Variants in NUSAP1 observed in about 807,000 individuals in gnomAD.
The protein encoded by NUSAP1 is nucleolar and spindle-associated protein 1.
A neutral mutation model predicts 52.8 loss-of-function variants in NUSAP1; 32 were observed. The ratio of observed to expected loss-of-function variants is 0.61; its 90% confidence interval spans 0.46 to 0.81. NUSAP1 has a LOEUF of 0.81. Among genes scored for constraint, NUSAP1 ranks in the 40% least tolerant of loss-of-function variants. The probability of loss-of-function intolerance (pLI) is 0.00; values close to 1 mark genes in which losing one functional copy is unlikely to be tolerated. For missense variants in NUSAP1, 499 were observed against 522.3 expected, an observed-to-expected ratio of 0.96 and a Z score of 0.43; for synonymous variants, 195 against 183.1, an observed-to-expected ratio of 1.06 and a Z score of -0.52.
intron 6 of NUSAP1, among the ~76,000 whole-genome samples, chr15:41,361,744 A>T (rs2140735159): frequency 6.6e-6 from 1 of 152,298 alleles, no homozygotes; most frequent in East Asian, 1.9e-4. Context: ...AGCCTGGTAG[A>T]CCCATCTGAA....
intron 9 of NUSAP1, among the ~76,000 whole-genome samples, chr15:41,376,271 C>T (rs923207407): frequency 7.9e-5 from 12 of 151,356 alleles, no homozygotes; most frequent in African/African-American, 1.2e-4. Context: ...GTGGTGGCGG[C>T]GCCTGTAATC....
In NUSAP1 at chr15:41,371,509, C is replaced by T. The variant is rs753306925; in HGVS notation, c.849-18C>T. ...CTTGCCACAGTACTCATGTCTTGTACTCTGCTGTCCTATTTAGGTTTTCAG... is the reference window on the plus strand; with the variant it reads ...CTTGCCACAGTACTCATGTCTTGTATTCTGCTGTCCTATTTAGGTTTTCAG... On this transcript the variant is annotated intron_variant, in intron 7 of 10. Transcript: ENST00000559596. 3 of 1,575,838 alleles carry T rather than the reference C, an allele frequency of 1.9e-6. No homozygotes were observed. The highest frequency in any genetic ancestry group is 2.3e-5 in the East Asian group (1 of 44,372).
At chr15:41,343,638 G>A (rs2048446265) in intron 2 of NUSAP1, among the ~76,000 whole-genome samples, 1 of 151,956 alleles carries the variant, frequency 6.6e-6, no homozygotes, top group Non-Finnish European at 1.5e-5. Flanking sequence ...ACAGGGGTGA[G>A]CCACCATGCC....
At position 41,375,692 on chromosome 15, in the gene NUSAP1, T is replaced by A. The variant is rs769459751; in HGVS notation, c.1007-20T>A. The A allele has an allele frequency of 6.7e-7, 1 of 1,490,354 alleles. No individual in the cohort carries two copies. Among genetic ancestry groups the A allele is most frequent in the Non-Finnish European group, 9.4e-7 (1 of 1,068,234 alleles). The allele number at this position is 1,490,354 out of a possible 1,614,324, so 92.3% of individuals were successfully genotyped here. A position where few individuals can be genotyped will look rare whatever the true frequency, so the allele number is the denominator to read the frequency against. On this transcript the variant is annotated intron_variant, in intron 8 of 10. Transcript: ENST00000559596. The stretch of plus-strand genomic sequence containing the variant: ...CTTTGTTTCTAATTAAGCTCTTGGG[T>A]TTTTTCGGTGTGTTTTTAGTTATTA...
At chr15:41,351,269 A>T (rs1388112059) in intron 4 of NUSAP1, 140 bp downstream of exon 4, 10 of 814,834 alleles carry the variant, frequency 1.2e-5, no homozygotes, top group East Asian at 8.4e-5. Flanking sequence ...TTACTCTTTC[A>T]TAGTTCTAGA....
intron 9 of NUSAP1, among the ~76,000 whole-genome samples, chr15:41,376,542 T>G (rs1232252475): frequency 6.8e-6 from 1 of 148,044 alleles, no homozygotes; most frequent in African/African-American, 2.5e-5. Context: ...AAAAACAAAA[T>G]TAGCTGGGCA....
chr15:41,338,704 C>T (rs1367828800), intron 1 of NUSAP1, among the ~76,000 whole-genome samples: 1 of 152,108 alleles, frequency 6.6e-6, no homozygotes, highest in Non-Finnish European at 1.5e-5. Flanking sequence ...ACCTGTAATC[C>T]CAGCACTTTG....
rs563954842 is a variant in NUSAP1 at position 41,348,879 on chromosome 15, CGCCTCG to C, written c.163-217_163-212del. Among the ~76,000 whole-genome samples, 819 of 151,424 alleles carry C rather than the reference CGCCTCG, an allele frequency of 5.4e-3. 5 individuals are homozygous for C. Among genetic ancestry groups the C allele is most frequent in the Non-Finnish European group, 8.8e-3 (598 of 67,782 alleles). ...TCTCGCTAACCTCAGGTGATCCACTCGCCTCGGTCTCCCAAAGTGCTGGGATTACAG... is the reference window on the plus strand; with the variant it reads ...TCTCGCTAACCTCAGGTGATCCACTCGTCTCCCAAAGTGCTGGGATTACAG... On this transcript the variant is annotated intron_variant, in intron 2 of 10. Coordinates refer to ENST00000559596, the MANE Select transcript of NUSAP1 (RefSeq NM_016359.5).
At chr15:41,339,932 C>T (rs2048315775) in intron 1 of NUSAP1, among the ~76,000 whole-genome samples, 2 of 152,140 alleles carry the variant, frequency 1.3e-5, no homozygotes, top group South Asian at 4.1e-4. Context: ...CAGGTGCCCA[C>T]CACCACGCCC....
chr15:41,356,828 T>G (rs558519102), intron 5 of NUSAP1, among the ~76,000 whole-genome samples: 25 of 152,318 alleles, frequency 1.6e-4, no homozygotes, highest in African/African-American at 6.0e-4. Flanking sequence ...TAAGTCTAAA[T>G]GATTCCGTTT....
chr15:41,338,329 A>G (rs534836496), intron 1 of NUSAP1, among the ~76,000 whole-genome samples: 6 of 152,200 alleles, frequency 3.9e-5, no homozygotes, highest in Middle Eastern at 3.4e-3. Context: ...TGACTCGTGT[A>G]TTTAAGTGCA....
intron 1 of NUSAP1, 72 bp from the exon 2 acceptor site, chr15:41,342,314 C>G (rs951493119): frequency 1.4e-5 from 15 of 1,042,560 alleles, no homozygotes; most frequent in Non-Finnish European, 2.0e-5. Flanking sequence ...AATACAAGAA[C>G]AGCAAAAAAT....
chr15:41,352,595 T>G (rs2048816639), intron 4 of NUSAP1, among the ~76,000 whole-genome samples: 1 of 152,004 alleles, frequency 6.6e-6, no homozygotes, highest in African/African-American at 2.4e-5. Flanking sequence ...ATTTATTTAT[T>G]TATTTATTTT....
intron 6 of NUSAP1, among the ~76,000 whole-genome samples, chr15:41,361,605 A>G (rs796236722): frequency 8.5e-5 from 13 of 152,298 alleles, no homozygotes; most frequent in African/African-American, 1.2e-4. Context: ...TGTAATATGG[A>G]TGACATAATT....
intron 8 of NUSAP1, among the ~76,000 whole-genome samples, chr15:41,375,318 C>T (rs2049881067): frequency 1.3e-5 from 2 of 151,988 alleles, no homozygotes; most frequent in African/African-American, 4.8e-5. Context: ...GCTGGGATTA[C>T]AGGCATGTGC....
At chr15:41,364,068 G>A (rs2049290879) in intron 6 of NUSAP1, among the ~76,000 whole-genome samples, 1 of 152,102 alleles carries the variant, frequency 6.6e-6, no homozygotes, top group African/African-American at 2.4e-5. Context: ...CTGGGCTTAA[G>A]CGATCCTCCT....
chr15:41,380,299 G>C lies in NUSAP1; in HGVS notation c.*113G>C. ...GTCACGAGATCTTTTTCTGCTAACT[G>C]TTCATAGTCTGTGTAGTGTCCATGG... On this transcript the variant is annotated 3_prime_UTR_variant, in exon 11 of 11. Coordinates refer to ENST00000559596, the MANE Select transcript of NUSAP1 (RefSeq NM_016359.5). 1.5e-6 allele frequency: 1 copy of C among 681,128 alleles called. No individual in the cohort carries two copies. Among genetic ancestry groups the C allele is most frequent in the East Asian group, 2.8e-5 (1 of 35,796 alleles). 42.2% of individuals were successfully genotyped at this position (681,128 alleles called of 1,614,324 possible).
At chr15:41,355,206 C>T (rs907285069) in intron 4 of NUSAP1, among the ~76,000 whole-genome samples, 7 of 151,084 alleles carry the variant, frequency 4.6e-5, no homozygotes, top group African/African-American at 1.7e-4. Context: ...CAGAGTCTCG[C>T]TTTGTTGCCA....
At chr15:41,357,163 T>C (rs948482164) in intron 5 of NUSAP1, among the ~76,000 whole-genome samples, 3 of 151,490 alleles carry the variant, frequency 2.0e-5, no homozygotes, top group Admixed American at 6.6e-5. Flanking sequence ...AAGTTGGGAG[T>C]TTGAGAACAG....
Sources: allele counts gnomAD v4.1 joint callset (sites outside exome capture counted in the v4.1 genomes callset), GRCh38; gene constraint gnomAD v4.1.1; transcripts MANE v1.5; gene names NCBI Gene and HGNC (gene_info 2026-07-23, HGNC 2026-07-21).